Variants in MALRD1 observed in about 807,000 individuals in gnomAD.
The protein encoded by MALRD1 is MAM and LDL-receptor class A domain-containing protein 1.
A neutral mutation model predicts 242.1 loss-of-function variants in MALRD1; 247 were observed. That is an observed-to-expected ratio of 1.02 (90% confidence interval 0.92 to 1.13). The LOEUF is 1.13. Among genes scored for constraint, MALRD1 ranks in the 50% most tolerant of loss-of-function variants. MALRD1 has a pLI of 0.00. For missense variants in MALRD1, 2,989 were observed against 2,533.1 expected (o/e 1.18, Z -3.86); for synonymous variants, 995 against 866.6 (o/e 1.15, Z -2.60).
intron 36 of MALRD1, among the ~76,000 whole-genome samples, chr10:19,668,239 G>C (rs913280171): frequency 3.3e-5 from 5 of 152,148 alleles, no homozygotes; most frequent in African/African-American, 1.2e-4. Context: ...TGGGACACCA[G>C]CAGTCACTCT....
chr10:19,603,221 G>T (rs1440919011), intron 34 of MALRD1, among the ~76,000 whole-genome samples: 6 of 152,170 alleles, frequency 3.9e-5, no homozygotes, highest in Admixed American at 6.5e-5. Context: ...GTCAATTTTG[G>T]CTTTTGTTGT....
intron 18 of MALRD1, among the ~76,000 whole-genome samples, chr10:19,244,297 G>A (rs1360617321): frequency 6.6e-6 from 1 of 152,120 alleles, no homozygotes; most frequent in Non-Finnish European, 1.5e-5. Flanking sequence ...TAGTTGCTGG[G>A]CGTAGTGGCT....
At position 19,347,779 on chromosome 10, in the gene MALRD1, A is replaced by G; in HGVS notation, c.3910A>G (p.Ser1304Gly). ...TTGGAAATATTTTCCAGGTACCTCC[A>G]GTGGGCGCTGTGATTTCGAATTTGA... Reference protein sequence around the residue: ...DETTFICRTSSGRCDFEFDLC... With the variant: ...DETTFICRTSGGRCDFEFDLC... Residue 1304 changes from serine to glycine, a missense_variant, in exon 25 of 40, where the codon AGT becomes GGT. Coordinates refer to ENST00000454679, the MANE Select transcript of MALRD1 (RefSeq NM_001142308.3). The G allele has an allele frequency of 6.4e-7, 1 of 1,550,438 alleles. No individual in the cohort carries two copies. Among genetic ancestry groups the G allele is most frequent in the African/African-American group, 1.4e-5 (1 of 73,158 alleles).
At chr10:19,416,876 T>C (rs1456119456) in intron 28 of MALRD1, among the ~76,000 whole-genome samples, 1 of 152,224 alleles carries the variant, frequency 6.6e-6, no homozygotes, top group Non-Finnish European at 1.5e-5. Flanking sequence ...TCTTCTTTAA[T>C]TTGTATTCAC....
chr10:19,678,846 G>T (rs116078504), intron 36 of MALRD1, among the ~76,000 whole-genome samples: 4,137 of 152,160 alleles, frequency 0.027, 112 homozygotes, highest in African/African-American at 0.064. Flanking sequence ...TTATTGAGAG[G>T]TTTTAACAGG....
intron 36 of MALRD1, among the ~76,000 whole-genome samples, chr10:19,669,781 G>T (rs1406123865): frequency 1.3e-5 from 2 of 152,184 alleles, no homozygotes; most frequent in Admixed American, 1.3e-4. Context: ...TATAACTTCT[G>T]AATATGAATT....
chr10:19,322,566 G>T (rs569463542), intron 21 of MALRD1, among the ~76,000 whole-genome samples: 1 of 152,226 alleles, frequency 6.6e-6, no homozygotes, highest in Non-Finnish European at 1.5e-5. Flanking sequence ...AAACTAAGAT[G>T]TTTAGAGAAG....
At chr10:19,732,217 G>C (rs1455588795) in intron 39 of MALRD1, among the ~76,000 whole-genome samples, 1 of 152,134 alleles carries the variant, frequency 6.6e-6, no homozygotes, top group Non-Finnish European at 1.5e-5. Flanking sequence ...AAATAGGATG[G>C]TGTAATATAA....
intron 30 of MALRD1, among the ~76,000 whole-genome samples, chr10:19,497,659 T>A (rs1042088003): frequency 2.0e-5 from 3 of 152,116 alleles, no homozygotes; most frequent in African/African-American, 4.8e-5. Flanking sequence ...AGTTTAAAAA[T>A]AACACAAACT....
intron 33 of MALRD1, among the ~76,000 whole-genome samples, chr10:19,594,337 G>A (rs1049984458): frequency 1.3e-5 from 2 of 152,126 alleles, no homozygotes. Flanking sequence ...TCAGAAAACA[G>A]TAGAAGTTGG....
rs540906079 is a variant in MALRD1 at position 19,206,626 on chromosome 10, C to A, written c.2578+1361C>A. Among the ~76,000 whole-genome samples the A allele has an allele frequency of 5.9e-5, 9 of 152,226 alleles. No homozygotes were observed. In the South Asian group the frequency reaches 1.0e-3, roughly 18 times the overall value. On this transcript the variant is annotated intron_variant, in intron 17 of 39. Coordinates refer to ENST00000454679, the MANE Select transcript of MALRD1 (RefSeq NM_001142308.3). The stretch of plus-strand genomic sequence containing the variant: ...CGATTATGGATTAGTGAAAGAATGT[C>A]GGTTTCTCACACGGCTTTCCATCAA...
At chr10:19,102,996 C>T (rs113850773) in intron 4 of MALRD1, among the ~76,000 whole-genome samples, 14,702 of 151,676 alleles carry the variant, frequency 0.097, 1,141 homozygotes, top group East Asian at 0.27. Context: ...TATAGGTGCC[C>T]GCCACCACTC....
intron 21 of MALRD1, among the ~76,000 whole-genome samples, chr10:19,287,117 A>G (rs946275431): frequency 1.1e-4 from 17 of 152,132 alleles, no homozygotes; most frequent in Non-Finnish European, 2.2e-4. Flanking sequence ...GACTGCATGC[A>G]TCTAGTCTAA....
intron 31 of MALRD1, among the ~76,000 whole-genome samples, chr10:19,524,132 G>A (rs1833993680): frequency 6.6e-6 from 1 of 152,086 alleles, no homozygotes; most frequent in Non-Finnish European, 1.5e-5. Flanking sequence ...TGACAACTTT[G>A]AGGAAACTTT....
chr10:19,204,279 G>A, intron 15 of MALRD1, 29 bp from the exon 16 acceptor site: 2 of 1,130,840 alleles, frequency 1.8e-6, no homozygotes, highest in Non-Finnish European at 2.4e-6. Flanking sequence ...GGTTAATGAA[G>A]CGTTTTTTTT....
chr10:19,617,608 T>C (rs1475484148), intron 36 of MALRD1, among the ~76,000 whole-genome samples: 1 of 152,022 alleles, frequency 6.6e-6, no homozygotes, highest in East Asian at 1.9e-4. Flanking sequence ...TTTTAAAATA[T>C]ACAGTAGTAT....
intron 20 of MALRD1, among the ~76,000 whole-genome samples, chr10:19,281,443 A>G (rs1200835235): frequency 6.6e-6 from 1 of 152,210 alleles, no homozygotes; most frequent in Non-Finnish European, 1.5e-5. Context: ...GTCGTTTATG[A>G]TTAGAGGGGA....
chr10:19,203,935 T>C, intron 15 of MALRD1, 55 bp downstream of exon 15: 1 of 1,542,052 alleles, frequency 6.5e-7, no homozygotes, highest in Non-Finnish European at 8.8e-7. Context: ...TAGTTAGACT[T>C]CAGAAGAGAA....
At chr10:19,171,235 T>C (rs1325164473) in intron 13 of MALRD1, among the ~76,000 whole-genome samples, 1 of 150,700 alleles carries the variant, frequency 6.6e-6, no homozygotes, top group East Asian at 2.0e-4. Flanking sequence ...TTTAGAAGAG[T>C]GAGTCATCTA....
Sources: allele counts gnomAD v4.1 joint callset (sites outside exome capture counted in the v4.1 genomes callset), GRCh38; gene constraint gnomAD v4.1.1; transcripts MANE v1.5; gene names NCBI Gene and HGNC (gene_info 2026-07-23, HGNC 2026-07-21).